The following BCORL1 variants were observed in gnomAD, a reference collection of about 807,000 sequenced individuals.
The protein encoded by BCORL1 is BCL6 corepressor like 1.
Under a neutral mutation model 87.6 loss-of-function variants are expected in BCORL1, and 7 were observed. The ratio of observed to expected loss-of-function variants is 0.08; its 90% CI spans 0.05 to 0.15. The LOEUF (loss-of-function observed/expected upper bound fraction) is 0.15, where lower values mean the gene tolerates loss of function less well. Among genes scored for constraint, BCORL1 ranks in the 10% least tolerant of loss-of-function variants. The pLI is 1.00. For missense variants in BCORL1, 1,215 were observed against 1,499.7 expected (o/e 0.81, Z 3.13); for synonymous variants, 591 against 634.4 (o/e 0.93, Z 1.03).
Position 130,051,870 on chromosome X carries a change from C to A in BCORL1, c.4929C>A (p.Asp1643Glu). The A allele has an allele frequency of 8.4e-7, 1 of 1,195,574 alleles. No individual in the cohort carries two copies. Among genetic ancestry groups the A allele is most frequent in the Non-Finnish European group, 1.1e-6 (1 of 887,329 alleles). Reference protein sequence around the residue: ...FYSSSVLEEKDGFACDLLHNP... With the variant: ...FYSSSVLEEKEGFACDLLHNP... ...ATGCTCCCCTTACAGAGGAAAAAGACGGGTTTGCCTGTGACCTCCTACATA... is the reference window on the plus strand; with the variant it reads ...ATGCTCCCCTTACAGAGGAAAAAGAAGGGTTTGCCTGTGACCTCCTACATA... The change falls in exon 13 of 14, where the codon GAC becomes GAA. Residue 1643 changes from aspartate to glutamate, a missense_variant. Around this residue, in one of 5 missense-constraint regions of BCORL1, gnomAD observed 129 missense variants for 157.5 expected, o/e 0.82. Coordinates refer to ENST00000540052, the MANE Select transcript of BCORL1 (RefSeq NM_001379451.1).
intron 9 of BCORL1, 52 bp downstream of exon 9, chrX:130,034,728 A>G: frequency 1.1e-6 from 1 of 876,389 alleles, no homozygotes; most frequent in Admixed American, 3.1e-5. Context: ...AGCATCTATG[A>G]AGAAGCTTTT....
At chrX:130,037,299 G>A in intron 9 of BCORL1, 68 bp from the exon 10 acceptor site, 3 of 1,102,352 alleles carry the variant, frequency 2.7e-6, no homozygotes, top group Non-Finnish European at 3.8e-6. Context: ...GGAGCTTTGA[G>A]TCTCAGGGTT....
chrX:129,998,600 C>G (rs746724589), intron 1 of BCORL1, among the ~76,000 whole-genome samples: 1 of 112,160 alleles, frequency 8.9e-6, no homozygotes, highest in African/African-American at 3.2e-5. Flanking sequence ...GTATTTTGAA[C>G]AAGCTCCTCG....
Position 129,985,698 on chromosome X carries a change from G to A in BCORL1, c.-45+2936G>A, listed in dbSNP as rs760956624. On this transcript the variant is annotated intron_variant, in intron 1 of 13. Transcript: ENST00000540052. ...GACTAAGTCATGAGGATGTTGTTAG[G>A]CGGACATCTTTTGACAGGGCAACTT... 1.2e-4 allele frequency among the ~76,000 whole-genome samples: 13 copies of A among 111,234 alleles called. No individual in the cohort carries two copies. In the Middle Eastern group the frequency reaches 0.014, roughly 118 times the overall value.
chrX:130,049,822 G>T (rs190129705), intron 11 of BCORL1, among the ~76,000 whole-genome samples: 3 of 112,571 alleles, frequency 2.7e-5, no homozygotes, highest in Middle Eastern at 4.6e-3. Context: ...ACATTGGAGA[G>T]ATTATGATTC....
chrX:130,042,259 T>C (rs1336790465), intron 11 of BCORL1, among the ~76,000 whole-genome samples: 1 of 110,965 alleles, frequency 9.0e-6, no homozygotes, highest in African/African-American at 3.3e-5. Context: ...CAGCTAATTT[T>C]GTATTTTATC....
intron 2 of BCORL1, chrX:130,010,368 T>C (rs1928849874): frequency 8.9e-6 from 1 of 111,810 alleles, no homozygotes; most frequent in Non-Finnish European, 1.9e-5. Context: ...GGTCTCGCTT[T>C]TGTGGTCTCT....
At chrX:130,012,788 G>T (rs1190519400) in intron 3 of BCORL1, 120 bp downstream of exon 3, 11 of 987,266 alleles carry the variant, frequency 1.1e-5, no homozygotes, top group Non-Finnish European at 1.5e-5. Context: ...TCTCCCAGGA[G>T]TTGGTATTGG....
chrX:130,015,302 A>T lies in BCORL1; in HGVS notation c.2530A>T (p.Ile844Phe), dbSNP rs1440361976. ...SPYHQASLLS[I>F]GISSAGQLTP... is the part of the protein sequence containing the mutation. ...GTACCACCAGGCGTCTCTGCTTTCC[A>T]TTGGCATTTCCAGTGCCGGGCAGCT... Residue 844 changes from isoleucine (I) to phenylalanine (F), a missense_variant, in exon 4 of 14, where the codon ATT (isoleucine) becomes TTT (phenylalanine). Physicochemically the swap from Ile to Phe is conservative, Grantham distance 21 (BLOSUM62 0). Around this residue, in one of 5 missense-constraint regions of BCORL1, gnomAD observed 861 missense variants for 1,010.0 expected, o/e 0.85. Transcript: ENST00000540052. The T allele has an allele frequency of 3.3e-6, 4 of 1,211,352 alleles. No homozygotes were observed. The highest frequency in any genetic ancestry group is 1.8e-5 in the South Asian group (1 of 57,020).
At chrX:130,019,340 A>G (rs1929647934) in intron 4 of BCORL1, among the ~76,000 whole-genome samples, 1 of 112,688 alleles carries the variant, frequency 8.9e-6, no homozygotes, top group South Asian at 3.6e-4. Flanking sequence ...CCAGCTAAGA[A>G]TGATATTCAG....
intron 10 of BCORL1, among the ~76,000 whole-genome samples, chrX:130,038,934 G>A (rs1303736399): frequency 4.5e-5 from 5 of 111,836 alleles, no homozygotes; most frequent in Non-Finnish European, 5.6e-5. Context: ...GGAAAAGGGG[G>A]TACAGAGAGA....
intron 4 of BCORL1, among the ~76,000 whole-genome samples, chrX:130,019,073 T>C (rs778151167): frequency 8.9e-6 from 1 of 112,475 alleles, no homozygotes; most frequent in Admixed American, 9.4e-5. Flanking sequence ...TGTCCTCTCA[T>C]TCCTTGGAAA....
chrX:130,055,513 C>T (rs907035858), intron 13 of BCORL1, among the ~76,000 whole-genome samples: 34 of 112,484 alleles, frequency 3.0e-4, no homozygotes, highest in Middle Eastern at 4.2e-3. Context: ...GTCACAGGGG[C>T]GCAGGCTAAG....
chrX:129,999,696 G>A (rs1927881909), intron 1 of BCORL1, among the ~76,000 whole-genome samples: 1 of 96,487 alleles, frequency 1.0e-5, no homozygotes, highest in East Asian at 3.4e-4. Flanking sequence ...CCCCCCCCCA[G>A]ACAGAGTCTT....
chrX:130,025,363 G>A lies in BCORL1; in HGVS notation c.4062G>A (p.Arg1354=), dbSNP rs1325837960. The A allele has an allele frequency of 1.7e-6, 2 of 1,148,203 alleles. No individual in the cohort carries two copies. The allele number at this position is 1,148,203 out of a possible 1,213,427, so 94.6% of individuals were successfully genotyped here. ...EYLTEQEDEQ[R]RKGRADLKAR... The stretch of plus-strand genomic sequence containing the variant: ...TGACAGAGCAAGAAGACGAGCAGCG[G>A]CGGAAAGGGAGAGCAGGTAAGGCTG... Residue 1354 remains arginine, a synonymous_variant, in exon 7 of 14, where the codon CGG becomes CGA. Transcript: ENST00000540052.
At chrX:130,050,576 GTC>G in intron 11 of BCORL1, 139 bp from the exon 12 acceptor site, 3 of 524,622 alleles carry the variant, frequency 5.7e-6, no homozygotes, top group Non-Finnish European at 1.0e-5. Flanking sequence ...GGAAGTGTGT[GTC>G]TCTCTGGTCA....
In BCORL1 at chrX:130,005,309, C is replaced by T; in HGVS notation, c.78C>T (p.Asn26=). 8.3e-7 allele frequency: 1 copy of T among 1,211,005 alleles called. No individual in the cohort carries two copies. The highest frequency in any genetic ancestry group is 1.1e-6 in the Non-Finnish European group (1 of 894,887). The change falls in exon 2 of 14, where the codon AAC becomes AAT. Residue 26 remains asparagine, a synonymous_variant. Coordinates refer to ENST00000540052, the MANE Select transcript of BCORL1 (RefSeq NM_001379451.1). ...ACCGGATTCGCATGTGTGGCATCAA[C>T]GAGGAGAGGTGAGGAGGCCAGGAAG... ...SSDRIRMCGI[N]EERRAPLSDE... is the part of the protein sequence containing the mutation.
chrX:130,016,440 A>G (rs1929451467), intron 4 of BCORL1, among the ~76,000 whole-genome samples: 1 of 111,876 alleles, frequency 8.9e-6, no homozygotes, highest in Non-Finnish European at 1.9e-5. Flanking sequence ...GCTGGCTTGT[A>G]GTTTGTAGGA....
At chrX:130,051,590 C>T (rs188985612) in intron 12 of BCORL1, among the ~76,000 whole-genome samples, 50 of 112,625 alleles carry the variant, frequency 4.4e-4, no homozygotes, top group Non-Finnish European at 8.4e-4. Context: ...TCATCCTTGA[C>T]GTCACCTTGC....
Sources: gnomAD v4.1 joint callset for allele counts (sites outside exome capture counted in the v4.1 genomes callset) on GRCh38, gnomAD v4.1.1 for gene constraint, gnomAD v4.1.1 regional missense constraint, MANE v1.5 for transcripts, NCBI Gene and HGNC (gene_info 2026-07-23, HGNC 2026-07-21) for gene names.